Variants in PTPRT observed in about 807,000 individuals in gnomAD.
PTPRT encodes receptor-type tyrosine-protein phosphatase T.
Under a neutral mutation model 176.8 loss-of-function variants are expected in PTPRT, and 56 were observed. The observed-to-expected ratio is 0.32, with a 90% CI of 0.26 to 0.40. PTPRT has a LOEUF of 0.40. Among genes scored for constraint, PTPRT ranks in the 10% least tolerant of loss-of-function variants. PTPRT has a pLI of 1.00. For synonymous variants in PTPRT, 783 were observed against 739.0 expected, an observed-to-expected ratio of 1.06 and a Z score of -0.96; for missense variants, 1,540 against 1,908.2, an observed-to-expected ratio of 0.81 and a Z score of 3.60.
intron 7 of PTPRT, among the ~76,000 whole-genome samples, chr20:42,480,366 G>C (rs1367530989): frequency 6.6e-6 from 1 of 152,168 alleles, no homozygotes; most frequent in Non-Finnish European, 1.5e-5. Context: ...GAGACAAACA[G>C]GGGTTGTGGA....
chr20:42,474,596 T>G (rs547327629), intron 7 of PTPRT, among the ~76,000 whole-genome samples: 46 of 152,282 alleles, frequency 3.0e-4, no homozygotes, highest in Middle Eastern at 3.4e-3. Context: ...AATGTGACAT[T>G]GAACAAGCTG....
At chr20:42,093,314 G>A (rs780834785) in intron 27 of PTPRT, among the ~76,000 whole-genome samples, 24 of 152,206 alleles carry the variant, frequency 1.6e-4, no homozygotes, top group African/African-American at 2.7e-4. Context: ...GCTGGCTGGC[G>A]TGGTTCTAGG....
intron 1 of PTPRT, among the ~76,000 whole-genome samples, chr20:42,972,749 G>A (rs1022078789): frequency 1.4e-5 from 2 of 147,106 alleles, no homozygotes; most frequent in African/African-American, 4.9e-5. Flanking sequence ...GAAAATATTT[G>A]AGGTTTTAAG....
At chr20:42,747,288 C>A (rs912789305) in intron 6 of PTPRT, among the ~76,000 whole-genome samples, 1 of 152,116 alleles carries the variant, frequency 6.6e-6, no homozygotes, top group Admixed American at 6.5e-5. Context: ...AAAGTAAGGA[C>A]CTGAGCACTC....
intron 15 of PTPRT, among the ~76,000 whole-genome samples, chr20:42,216,341 A>G (rs915664969): frequency 3.3e-5 from 5 of 152,182 alleles, no homozygotes; most frequent in Non-Finnish European, 7.3e-5. Flanking sequence ...TTCACTACCA[A>G]TTCCCCAGGG....
chr20:43,180,341 A>ATCTCTCTCTCTCTCTCTCTCTCTCTCTC (rs71193679), intron 1 of PTPRT, among the ~76,000 whole-genome samples: 2 of 115,018 alleles, frequency 1.7e-5, no homozygotes, highest in African/African-American at 3.4e-5. Flanking sequence ...AAATGAATCA[A>ATCTCTCTCTCTCTCTCTCTCTCTCTCTC]TCTCTCTCTC....
chr20:42,547,707 G>A (rs1419460642), intron 7 of PTPRT, among the ~76,000 whole-genome samples: 1 of 151,834 alleles, frequency 6.6e-6, no homozygotes, highest in Non-Finnish European at 1.5e-5. Context: ...AAACACAAAG[G>A]TCCCTATATC....
chr20:42,468,119 A>C (rs945332710), intron 8 of PTPRT, among the ~76,000 whole-genome samples: 1 of 152,232 alleles, frequency 6.6e-6, no homozygotes, highest in African/African-American at 2.4e-5. Flanking sequence ...GCTGCTCTCT[A>C]GTGCTGGATT....
intron 9 of PTPRT, among the ~76,000 whole-genome samples, chr20:42,374,391 CT>C: frequency 6.6e-6 from 1 of 152,160 alleles, no homozygotes; most frequent in East Asian, 1.9e-4. Flanking sequence ...CTGGTCTGGA[CT>C]TTTTAAACAC....
At chr20:42,035,653 T>A in the PTPRT span, among the ~76,000 whole-genome samples, 1 of 152,130 alleles carries the variant, frequency 6.6e-6, no homozygotes. Context: ...ATAATTATGA[T>A]TGCCACTTTC....
At chr20:42,880,698 G>T (rs531204005) in intron 2 of PTPRT, among the ~76,000 whole-genome samples, 1 of 152,340 alleles carries the variant, frequency 6.6e-6, no homozygotes, top group South Asian at 2.1e-4. Flanking sequence ...TAGACAGCTA[G>T]AGAGAGGGTT....
At chr20:42,926,317 C>G (rs1384757900) in intron 1 of PTPRT, among the ~76,000 whole-genome samples, 2 of 152,228 alleles carry the variant, frequency 1.3e-5, no homozygotes, top group African/African-American at 4.8e-5. Flanking sequence ...TGATACTGCC[C>G]TCTCCCAGGT....
intron 7 of PTPRT, among the ~76,000 whole-genome samples, chr20:42,618,891 T>A (rs1049865638): frequency 6.7e-6 from 1 of 148,536 alleles, no homozygotes; most frequent in African/African-American, 2.6e-5. Context: ...TGACTCTTTA[T>A]CCAACTTGCC....
rs1157629496 is a variant in PTPRT at position 42,648,827 on chromosome 20, T to TTTTTGTTTTGTTTTG, written c.1153+29038_1153+29039insCAAAACAAAACAAAA. 4.4e-4 allele frequency among the ~76,000 whole-genome samples: 65 copies of TTTTTGTTTTGTTTTG among 146,598 alleles called. 1 individual carries two copies. Among genetic ancestry groups the TTTTTGTTTTGTTTTG allele is most frequent in the South Asian group, 4.1e-3 (19 of 4,588 alleles). On this transcript the variant is annotated intron_variant, in intron 7 of 30. Transcript: ENST00000373187. ...TTTTTTTTTGGTGTCGTTGTTTTTT[T>TTTTTGTTTTGTTTTG]TTTTTTTTTTTGACAGAGTCTGGCT...
intron 2 of PTPRT, among the ~76,000 whole-genome samples, chr20:42,811,511 C>T (rs985943384): frequency 1.3e-5 from 2 of 152,120 alleles, no homozygotes; most frequent in Non-Finnish European, 2.9e-5. Flanking sequence ...CCAAAGATCT[C>T]TTTAAGAACA....
chr20:42,868,769 T>C (rs1255124986), intron 2 of PTPRT, among the ~76,000 whole-genome samples: 5 of 152,140 alleles, frequency 3.3e-5, no homozygotes, highest in Non-Finnish European at 7.4e-5. Flanking sequence ...ATCTCTAAAG[T>C]TGTCACTCTC....
intron 19 of PTPRT, among the ~76,000 whole-genome samples, chr20:42,126,071 T>C (rs918987178): frequency 6.6e-6 from 1 of 151,994 alleles, no homozygotes; most frequent in African/African-American, 2.4e-5. Context: ...TGGGAGCCAT[T>C]CAGGTCTGGT....
At chr20:42,624,663 G>T (rs1308591189) in intron 7 of PTPRT, among the ~76,000 whole-genome samples, 1 of 152,184 alleles carries the variant, frequency 6.6e-6, no homozygotes, top group Non-Finnish European at 1.5e-5. Context: ...GAAACGCCAG[G>T]CATGTTCAGA....
chr20:42,537,359 TAAC>T (rs1458172093), intron 7 of PTPRT, among the ~76,000 whole-genome samples: 1 of 152,146 alleles, frequency 6.6e-6, no homozygotes, highest in East Asian at 1.9e-4. Context: ...GGTAAAATAA[TAAC>T]AATAAATGCA....
Sources: gnomAD v4.1 joint callset for allele counts (sites outside exome capture counted in the v4.1 genomes callset) on GRCh38, gnomAD v4.1.1 for gene constraint, MANE v1.5 for transcripts, NCBI Gene and HGNC (gene_info 2026-07-23, HGNC 2026-07-21) for gene names.